TMEM232: variants seen among roughly 807,000 people sequenced by gnomAD.
The protein encoded by TMEM232 is transmembrane protein 232.
TMEM232 carries 80 observed loss-of-function variants against 78.8 expected under a neutral mutation model. The ratio of observed to expected loss-of-function variants is 1.01; its 90% CI spans 0.85 to 1.22. The LOEUF (loss-of-function observed/expected upper bound fraction) is 1.22, where lower values mean the gene tolerates loss of function less well. Among genes scored for constraint, TMEM232 ranks in the 50% most tolerant of loss-of-function variants. The pLI is 0.00. For missense variants in TMEM232, 881 were observed against 742.2 expected (o/e 1.19, Z -2.17); for synonymous variants, 297 against 254.3 (o/e 1.17, Z -1.60).
chr5:110,702,686 G>A (rs938483891), intron 1 of TMEM232, among the ~76,000 whole-genome samples: 1 of 152,024 alleles, frequency 6.6e-6, no homozygotes, highest in African/African-American at 2.4e-5. Context: ...CCCGGAAAAT[G>A]CTGATGTTAT....
At chr5:110,581,414 G>A (rs1778198072) in intron 10 of TMEM232, among the ~76,000 whole-genome samples, 1 of 151,826 alleles carries the variant, frequency 6.6e-6, no homozygotes, top group Non-Finnish European at 1.5e-5. Flanking sequence ...CAAGAAGTGA[G>A]AAAGTACTCT....
At position 110,592,114 on chromosome 5, in the gene TMEM232, T is replaced by C. The variant is rs1024889042; in HGVS notation, c.1276+12995A>G. The stretch of plus-strand genomic sequence containing the variant: ...TCAGTACAGTTTTCAATTCCTATCA[T>C]TTGACTGGTGAGATACTTGACAATG... On this transcript the variant is annotated intron_variant, in intron 10 of 13. Coordinates refer to ENST00000455884, the MANE Select transcript of TMEM232 (RefSeq NM_001039763.4). Among the ~76,000 whole-genome samples, 4 of 152,172 alleles carry C rather than the reference T, an allele frequency of 2.6e-5. No homozygotes were observed. In the East Asian group the frequency reaches 7.7e-4, roughly 29 times the overall value.
At chr5:110,522,310 A>G (rs1170806176) in intron 12 of TMEM232, among the ~76,000 whole-genome samples, 1 of 152,134 alleles carries the variant, frequency 6.6e-6, no homozygotes, top group Admixed American at 6.5e-5. Flanking sequence ...TACTTCTAAC[A>G]GTTTTTTGGT....
intron 8 of TMEM232, 34 bp downstream of exon 8, chr5:110,618,395 A>C (rs1459975402): frequency 6.5e-7 from 1 of 1,546,860 alleles, no homozygotes; most frequent in Non-Finnish European, 8.7e-7. Flanking sequence ...AGATTTCTCC[A>C]TGAGTTACTT....
At chr5:110,602,356 G>C (rs1466018255) in intron 10 of TMEM232, among the ~76,000 whole-genome samples, 2 of 151,992 alleles carry the variant, frequency 1.3e-5, no homozygotes, top group Non-Finnish European at 2.9e-5. Context: ...AGAGTGAACA[G>C]GCAACCTACA....
intron 12 of TMEM232, among the ~76,000 whole-genome samples, chr5:110,500,914 C>T (rs1045427259): frequency 6.6e-6 from 1 of 152,104 alleles, no homozygotes; most frequent in African/African-American, 2.4e-5. Flanking sequence ...ATAAATAGTT[C>T]TTCCACTATG....
At chr5:110,517,286 A>T (rs1455725297) in intron 12 of TMEM232, among the ~76,000 whole-genome samples, 1 of 152,228 alleles carries the variant, frequency 6.6e-6, no homozygotes, top group African/African-American at 2.4e-5. Context: ...GAGAAGAACT[A>T]ACAAAAGGAG....
At chr5:110,394,253 T>C (rs1408430382) in intron 3 of TMEM232, among the ~76,000 whole-genome samples, 3 of 152,214 alleles carry the variant, frequency 2.0e-5, no homozygotes, top group African/African-American at 7.2e-5. Context: ...TAACCTCCAA[T>C]TGCATCTATG....
chr5:110,411,911 A>G (rs1756009449), intron 2 of TMEM232, among the ~76,000 whole-genome samples: 1 of 145,524 alleles, frequency 6.9e-6, no homozygotes, highest in Non-Finnish European at 1.5e-5. Flanking sequence ...ACCCTCTTCT[A>G]TTTGAGTACT....
chr5:110,542,025 C>G (rs1404725526), intron 11 of TMEM232, among the ~76,000 whole-genome samples: 1 of 152,158 alleles, frequency 6.6e-6, no homozygotes, highest in Non-Finnish European at 1.5e-5. Context: ...CTGCAAAGTA[C>G]TAAGGTTAGA....
chr5:110,692,871 T>C (rs1256283381), intron 1 of TMEM232, among the ~76,000 whole-genome samples: 5 of 152,126 alleles, frequency 3.3e-5, no homozygotes, highest in African/African-American at 1.2e-4. Flanking sequence ...AGGCTCCACC[T>C]CTAGGGGCAG....
At chr5:110,546,972 G>A (rs1382674831) in intron 11 of TMEM232, among the ~76,000 whole-genome samples, 2 of 151,190 alleles carry the variant, frequency 1.3e-5, no homozygotes, top group East Asian at 3.9e-4. Context: ...AAAAGAAAAA[G>A]AGAAAGAGAA....
chr5:110,554,560 T>C (rs1436047902), intron 11 of TMEM232, among the ~76,000 whole-genome samples: 1 of 152,168 alleles, frequency 6.6e-6, no homozygotes, highest in Non-Finnish European at 1.5e-5. Flanking sequence ...GCTAGGATTG[T>C]ATTTTGTTGA....
At chr5:110,474,664 C>T (rs1407088262) in intron 12 of TMEM232, among the ~76,000 whole-genome samples, 3 of 151,762 alleles carry the variant, frequency 2.0e-5, no homozygotes, top group African/African-American at 4.8e-5. Context: ...AATAAAGATA[C>T]CCACTTATAA....
intron 10 of TMEM232, among the ~76,000 whole-genome samples, chr5:110,592,770 C>T (rs1377719574): frequency 6.6e-6 from 1 of 152,166 alleles, no homozygotes; most frequent in Non-Finnish European, 1.5e-5. Context: ...TTAGGGATTA[C>T]CTTCCGCCTC....
At chr5:110,638,676 C>T (rs545612561) in intron 4 of TMEM232, among the ~76,000 whole-genome samples, 1 of 152,204 alleles carries the variant, frequency 6.6e-6, no homozygotes, top group South Asian at 2.1e-4. Flanking sequence ...AGCTTTGGAA[C>T]CCTAAGCTGC....
Position 110,462,377 on chromosome 5 carries a change from G to A in TMEM232, c.1704-37461C>T, listed in dbSNP as rs989890838. ...GTGCTGCCAATGGAGATTAATATTC[G>A]AGTTAGTGGACTGGAAAAGGCAGAC... On this transcript the variant is annotated intron_variant, in intron 12 of 13. Transcript: ENST00000455884. 3.9e-5 allele frequency among the ~76,000 whole-genome samples: 6 copies of A among 152,144 alleles called. No individual in the cohort carries two copies. In the South Asian group the frequency reaches 1.0e-3, roughly 26 times the overall value.
chr5:110,401,827 G>A (rs966391004), intron 2 of TMEM232, among the ~76,000 whole-genome samples: 10 of 152,136 alleles, frequency 6.6e-5, no homozygotes, highest in South Asian at 4.1e-4. Context: ...GAAAACATCA[G>A]AAGATATAGG....
At chr5:110,638,792 G>C (rs1438500090) in intron 4 of TMEM232, among the ~76,000 whole-genome samples, 10 of 152,126 alleles carry the variant, frequency 6.6e-5, no homozygotes, top group Non-Finnish European at 2.9e-5. Flanking sequence ...AGCTATTATA[G>C]ATCCAACACT....
Sources: gnomAD v4.1 joint callset for allele counts (sites outside exome capture counted in the v4.1 genomes callset) on GRCh38, gnomAD v4.1.1 for gene constraint, MANE v1.5 for transcripts, NCBI Gene and HGNC (gene_info 2026-07-23, HGNC 2026-07-21) for gene names.